The following TNFAIP8L3 variants were observed in gnomAD, a reference collection of about 807,000 sequenced individuals.
The protein encoded by TNFAIP8L3 is tumor necrosis factor alpha-induced protein 8-like protein 3.
Under a neutral mutation model 11.8 loss-of-function variants are expected in TNFAIP8L3, and 7 were observed. That is an observed-to-expected ratio of 0.59 (90% confidence interval 0.34 to 1.11). The LOEUF (loss-of-function observed/expected upper bound fraction) is 1.11. Among genes scored for constraint, TNFAIP8L3 ranks in the 50% most tolerant of loss-of-function variants. The probability of loss-of-function intolerance (pLI) is 0.03; values close to 1 mark genes in which losing one functional copy is unlikely to be tolerated. For synonymous variants in TNFAIP8L3, 98 were observed against 103.8 expected, an observed-to-expected ratio of 0.94 and a Z score of 0.34; for missense variants, 219 against 258.6, an observed-to-expected ratio of 0.85 and a Z score of 1.05.
intron 1 of TNFAIP8L3, among the ~76,000 whole-genome samples, chr15:51,063,729 T>C (rs17647040): frequency 0.2 from 30,974 of 152,210 alleles, 3,631 homozygotes; most frequent in East Asian, 0.44. Flanking sequence ...GCTCTGAATA[T>C]GATCCTGCAA....
chr15:51,069,213 C>G (rs1595608436), intron 1 of TNFAIP8L3, among the ~76,000 whole-genome samples: 3 of 152,204 alleles, frequency 2.0e-5, no homozygotes, highest in Admixed American at 2.0e-4. Flanking sequence ...GGCCTGCTAA[C>G]AGGCAGAGAG....
chr15:51,084,161 T>C (rs761926587), intron 1 of TNFAIP8L3, among the ~76,000 whole-genome samples: 5 of 151,760 alleles, frequency 3.3e-5, no homozygotes, highest in Non-Finnish European at 7.4e-5. Flanking sequence ...CCTCTCCATA[T>C]ACAAAGGGGT....
At chr15:51,077,354 C>G (rs910853500) in intron 1 of TNFAIP8L3, among the ~76,000 whole-genome samples, 1 of 152,166 alleles carries the variant, frequency 6.6e-6, no homozygotes, top group African/African-American at 2.4e-5. Context: ...GGACTCGTGT[C>G]CGAAACCTCA....
chr15:51,086,860 C>T (rs999101338), intron 1 of TNFAIP8L3, among the ~76,000 whole-genome samples: 2 of 152,060 alleles, frequency 1.3e-5, no homozygotes. Context: ...AAGGATCATG[C>T]CATCTTATTT....
chr15:51,089,685 C>T (rs2065453398), intron 1 of TNFAIP8L3, among the ~76,000 whole-genome samples: 1 of 152,236 alleles, frequency 6.6e-6, no homozygotes, highest in Admixed American at 6.5e-5. Context: ...AGGTTTCTGG[C>T]TGCTGGTCTG....
chr15:51,060,411 T>C (rs1393434614), intron 1 of TNFAIP8L3, among the ~76,000 whole-genome samples: 2 of 152,224 alleles, frequency 1.3e-5, no homozygotes, highest in Non-Finnish European at 2.9e-5. Flanking sequence ...AATAGTGGAA[T>C]GTAGATGGAT....
At position 51,063,175 on chromosome 15, in the gene TNFAIP8L3, G is replaced by A. The variant is rs183694584; in HGVS notation, c.53-4732C>T. 6.6e-5 allele frequency among the ~76,000 whole-genome samples: 10 copies of A among 152,254 alleles called. No individual in the cohort carries two copies. The East Asian group carries it at 1.9e-3, about 29-fold the overall frequency. On this transcript the variant is annotated intron_variant, in intron 1 of 1. Transcript: ENST00000637513. Reference sequence around the variant, plus strand: ...CTCCAGAAATATAAAATGATAAATTGGTGTCTTAAGCCACTGAATTTGTGG... The same window carrying A: ...CTCCAGAAATATAAAATGATAAATTAGTGTCTTAAGCCACTGAATTTGTGG...
upstream of TNFAIP8L3, among the ~76,000 whole-genome samples, chr15:51,096,883 C>T (rs1333472181): frequency 5.9e-5 from 7 of 117,888 alleles, no homozygotes; most frequent in South Asian, 2.7e-4. Context: ...AAGAGCAACA[C>T]GCTGTCTCAA....
intron 1 of TNFAIP8L3, among the ~76,000 whole-genome samples, chr15:51,088,518 G>A (rs1220596984): frequency 6.6e-6 from 1 of 152,142 alleles, no homozygotes; most frequent in Non-Finnish European, 1.5e-5. Flanking sequence ...ACATCTAAAT[G>A]CATTTCTGTA....
chr15:51,063,890 T>A (rs1320875752), intron 1 of TNFAIP8L3, among the ~76,000 whole-genome samples: 1 of 152,228 alleles, frequency 6.6e-6, no homozygotes, highest in Non-Finnish European at 1.5e-5. Flanking sequence ...AAGTGGTTTC[T>A]AAAGTCATGG....
At chr15:51,101,380 C>T (rs1188367046) in intron 1 of TNFAIP8L3, among the ~76,000 whole-genome samples, 3 of 151,802 alleles carry the variant, frequency 2.0e-5, no homozygotes, top group Admixed American at 6.6e-5. Flanking sequence ...CCAGCAGTTT[C>T]GGAGGCCAAG....
intron 1 of TNFAIP8L3, among the ~76,000 whole-genome samples, chr15:51,091,673 C>T (rs74013133): frequency 1.1e-5 from 1 of 91,962 alleles, no homozygotes; most frequent in Non-Finnish European, 2.3e-5. Context: ...AAGACCTCCT[C>T]AAGCACACAC....
chr15:51,097,135 T>G (rs904240149), upstream of TNFAIP8L3, among the ~76,000 whole-genome samples: 6 of 152,218 alleles, frequency 3.9e-5, no homozygotes, highest in Admixed American at 3.3e-4. Context: ...TTTCCCTGTT[T>G]CCTTAGACCT....
intron 1 of TNFAIP8L3, among the ~76,000 whole-genome samples, chr15:51,058,872 C>T (rs996293491): frequency 6.6e-6 from 1 of 152,224 alleles, no homozygotes; most frequent in Admixed American, 6.5e-5. Context: ...CATTGTCAAC[C>T]CCATTCCCAG....
At chr15:51,059,683 T>C (rs1396164804) in intron 1 of TNFAIP8L3, among the ~76,000 whole-genome samples, 1 of 152,206 alleles carries the variant, frequency 6.6e-6, no homozygotes, top group East Asian at 1.9e-4. Flanking sequence ...TGCAGAAGAA[T>C]AAGAAAGTAG....
At chr15:51,079,334 C>T (rs565360157) in intron 1 of TNFAIP8L3, among the ~76,000 whole-genome samples, 1 of 152,326 alleles carries the variant, frequency 6.6e-6, no homozygotes, top group South Asian at 2.1e-4. Flanking sequence ...CACTTATCAC[C>T]TTGTGGAGCA....
At chr15:51,088,807 T>G (rs1364506869) in intron 1 of TNFAIP8L3, among the ~76,000 whole-genome samples, 1 of 152,134 alleles carries the variant, frequency 6.6e-6, no homozygotes, top group Admixed American at 6.6e-5. Flanking sequence ...CTGCACGGAC[T>G]CCCCTTCAGG....
upstream of TNFAIP8L3, among the ~76,000 whole-genome samples, chr15:51,099,383 G>T (rs1005960750): frequency 1.3e-5 from 2 of 152,080 alleles, no homozygotes; most frequent in Non-Finnish European, 2.9e-5. Flanking sequence ...AGCTTTCTTG[G>T]TGGTTAATGC....
chr15:51,094,486 G>A lies in TNFAIP8L3; in HGVS notation c.52+58C>T. 1 of 1,405,952 alleles carries A rather than the reference G, an allele frequency of 7.1e-7. No homozygotes were observed. The allele number at this position is 1,405,952 out of a possible 1,614,324, so 87.1% of individuals were successfully genotyped here. A position where few individuals can be genotyped will look rare whatever the true frequency, so the allele number is the denominator to read the frequency against. On this transcript the variant is annotated intron_variant, in intron 1 of 1. Transcript: ENST00000637513. This position sits in a 1 kb window ranked among gnomAD's most constrained non-coding sequence, Gnocchi z 4.4. ...ATCGGCTTCCCGATTTCATGCCCCA[G>A]CCTCCCGTCCTCCCCAGCCCCAGCC... is the stretch of plus-strand genomic sequence containing the variant.
Sources: gnomAD v4.1 joint callset for allele counts (sites outside exome capture counted in the v4.1 genomes callset) on GRCh38, gnomAD v4.1.1 for gene constraint, Gnocchi (gnomAD v3.1) non-coding constraint, MANE v1.5 for transcripts, NCBI Gene and HGNC (gene_info 2026-07-23, HGNC 2026-07-21) for gene names.